TRAPPC9: variants seen among roughly 807,000 people sequenced by gnomAD.
TRAPPC9 encodes the protein trafficking protein particle complex subunit 9, also known as IKK2 binding protein.
TRAPPC9 carries 83 observed loss-of-function variants against 124.0 expected under a neutral mutation model. The observed-to-expected ratio is 0.67, with a 90% CI of 0.56 to 0.80. The LOEUF is 0.80. Ranked by LOEUF, TRAPPC9 falls within the 30% of genes least tolerant of loss-of-function variation. TRAPPC9 has a pLI of 0.00. For missense variants in TRAPPC9, 1,302 were observed against 1,508.3 expected (o/e 0.86, Z 2.27); for synonymous variants, 638 against 617.5 (o/e 1.03, Z -0.49).
rs1355351288 is a variant in TRAPPC9 at position 139,728,248 on chromosome 8, G to A, written c.*2813C>T. On this transcript the variant is annotated 3_prime_UTR_variant, in exon 23 of 23. Coordinates refer to ENST00000438773, the MANE Select transcript of TRAPPC9 (RefSeq NM_001160372.4). ...TGAATTTCAGATGACGGAGCATGAC[G>A]GCTGCATGATTATGGGGTCACCGGG... Among the ~76,000 whole-genome samples, 3 of 152,118 alleles carry A rather than the reference G, an allele frequency of 2.0e-5. No individual in the cohort carries two copies. The highest frequency in any genetic ancestry group is 2.9e-5 in the Non-Finnish European group (2 of 68,042).
rs555312154 is a variant in TRAPPC9, at chr8:139,984,881, C to A, written c.2810+3845G>T. 6.6e-6 allele frequency among the ~76,000 whole-genome samples: 1 copy of A among 152,128 alleles called. No homozygotes were observed. Among genetic ancestry groups the A allele is most frequent in the Non-Finnish European group, 1.5e-5 (1 of 68,018 alleles). ...ACCTCATGACCTCTAGTTCACCCAA[C>A]GCTCCCACCCGGCCCGGGACAGCAA... On this transcript the variant is annotated intron_variant, in intron 19 of 22. Coordinates refer to ENST00000438773, the MANE Select transcript of TRAPPC9 (RefSeq NM_001160372.4). This position sits in a 1 kb window ranked among gnomAD's most constrained non-coding sequence, Gnocchi z 4.3.
intron 17 of TRAPPC9, among the ~76,000 whole-genome samples, chr8:140,043,074 C>A (rs1226178750): frequency 6.6e-6 from 1 of 152,342 alleles, no homozygotes; most frequent in African/African-American, 2.4e-5. Context: ...AGCTGTCCCC[C>A]ACTCTCCCTG....
At chr8:140,258,114 G>C (rs1449880468) in intron 15 of TRAPPC9, among the ~76,000 whole-genome samples, 1 of 152,224 alleles carries the variant, frequency 6.6e-6, no homozygotes, top group Non-Finnish European at 1.5e-5. Context: ...AACAAAGTAT[G>C]TCATGACCAG....
At chr8:140,090,469 T>G (rs1183046994) in intron 17 of TRAPPC9, among the ~76,000 whole-genome samples, 1 of 152,204 alleles carries the variant, frequency 6.6e-6, no homozygotes, top group Non-Finnish European at 1.5e-5. Flanking sequence ...ATTAAACAGC[T>G]TATACTCTTA....
chr8:140,414,164 G>A (rs2069816066), intron 5 of TRAPPC9, among the ~76,000 whole-genome samples: 1 of 152,068 alleles, frequency 6.6e-6, no homozygotes, highest in African/African-American at 2.4e-5. Context: ...AGAAGTTGTG[G>A]TTTTTAAGCA....
chr8:140,117,811 T>C (rs2060918031), intron 17 of TRAPPC9, among the ~76,000 whole-genome samples: 1 of 152,224 alleles, frequency 6.6e-6, no homozygotes, highest in Admixed American at 6.5e-5. Context: ...CTTGATGTTT[T>C]TTTCTCTTAA....
intron 14 of TRAPPC9, among the ~76,000 whole-genome samples, chr8:140,279,977 G>A (rs1468385959): frequency 2.0e-5 from 3 of 152,208 alleles, no homozygotes; most frequent in African/African-American, 7.2e-5. Flanking sequence ...AGCGCTGGCC[G>A]GAGCTTGCTA....
In TRAPPC9 at chr8:140,364,309, A is replaced by AG. The variant is rs1451459929; in HGVS notation, c.1352-4117_1352-4116insC. 2.6e-5 allele frequency among the ~76,000 whole-genome samples: 4 copies of AG among 151,904 alleles called. No individual in the cohort carries two copies. The East Asian group carries it at 7.7e-4, about 29-fold the overall frequency. On this transcript the variant is annotated intron_variant, in intron 8 of 22. Coordinates refer to ENST00000438773, the MANE Select transcript of TRAPPC9 (RefSeq NM_001160372.4). ...AAAGGATGCAAAAAAAAAAAAAAAA[A>AG]AAAGGAACCGAAAAGCAATTTAAAT...
intron 19 of TRAPPC9, among the ~76,000 whole-genome samples, chr8:139,915,371 C>T (rs1020657456): frequency 2.6e-5 from 4 of 152,114 alleles, no homozygotes; most frequent in Non-Finnish European, 4.4e-5. Flanking sequence ...CTCAGCCTCC[C>T]GAGTAGCTGG....
chr8:140,382,620 C>T (rs1317824652), intron 7 of TRAPPC9, among the ~76,000 whole-genome samples: 1 of 152,192 alleles, frequency 6.6e-6, no homozygotes, highest in Non-Finnish European at 1.5e-5. Context: ...GGGGAGGCAC[C>T]CACCATTGCT....
At chr8:140,331,172 TCA>T (rs1477416840) in intron 9 of TRAPPC9, among the ~76,000 whole-genome samples, 8 of 151,926 alleles carry the variant, frequency 5.3e-5, no homozygotes, top group Non-Finnish European at 1.0e-4. Flanking sequence ...ACCCATGTTT[TCA>T]CAGTCAAATA....
chr8:140,454,583 T>C (rs1588389599), intron 1 of TRAPPC9, among the ~76,000 whole-genome samples: 1 of 133,582 alleles, frequency 7.5e-6, no homozygotes, highest in Non-Finnish European at 1.5e-5. Flanking sequence ...GGGGTTGCAG[T>C]GAGCCGAGAT....
intron 17 of TRAPPC9, among the ~76,000 whole-genome samples, chr8:140,164,017 A>T (rs2061792467): frequency 6.6e-6 from 1 of 152,226 alleles, no homozygotes; most frequent in African/African-American, 2.4e-5. Context: ...AGAAGGAGTA[A>T]AATCTCTATG....
rs184203819 is a variant in TRAPPC9 at position 140,136,558 on chromosome 8, C to A, written c.2556+84901G>T. 7.9e-5 allele frequency among the ~76,000 whole-genome samples: 12 copies of A among 152,340 alleles called. No individual in the cohort carries two copies. In the East Asian group the frequency reaches 1.9e-3, roughly 24 times the overall value. On this transcript the variant is annotated intron_variant, in intron 17 of 22. Coordinates refer to ENST00000438773, the MANE Select transcript of TRAPPC9 (RefSeq NM_001160372.4). ...GAACTTAAAACCTAGGGCAGTCTGG[C>A]TGGGCACGGTGGCTCACACCTGTAA...
chr8:139,899,000 A>G (rs1165631791), intron 20 of TRAPPC9, among the ~76,000 whole-genome samples: 1 of 151,702 alleles, frequency 6.6e-6, no homozygotes, highest in Non-Finnish European at 1.5e-5. Flanking sequence ...GGTGCCTGTC[A>G]TCACAGCCAC....
chr8:140,165,990 G>T (rs2061830724), intron 17 of TRAPPC9, among the ~76,000 whole-genome samples: 1 of 152,110 alleles, frequency 6.6e-6, no homozygotes, highest in South Asian at 2.1e-4. Flanking sequence ...GAGCAGCCAG[G>T]GTGCCCTGAC....
chr8:140,197,953 G>T (rs2062707431), intron 17 of TRAPPC9, among the ~76,000 whole-genome samples: 1 of 152,164 alleles, frequency 6.6e-6, no homozygotes, highest in Non-Finnish European at 1.5e-5. Flanking sequence ...ATCTTGTGCA[G>T]CAAGATGAGA....
Position 139,742,641 on chromosome 8 carries a change from G to A in TRAPPC9, c.3056-10439C>T, listed in dbSNP as rs1171026706. Among the ~76,000 whole-genome samples the A allele has an allele frequency of 5.9e-5, 9 of 152,180 alleles. No individual in the cohort carries two copies. Among genetic ancestry groups the A allele is most frequent in the African/African-American group, 2.2e-4 (9 of 41,436 alleles). Reference sequence around the variant, plus strand: ...AGAGGCAGGATGGACTCAGGAGTTAGGGAGCCAGGAGATGGGGCCAGATGG... The same window carrying A: ...AGAGGCAGGATGGACTCAGGAGTTAAGGAGCCAGGAGATGGGGCCAGATGG... On this transcript the variant is annotated intron_variant, in intron 21 of 22. Transcript: ENST00000438773. This position sits in a 1 kb window ranked among gnomAD's most constrained non-coding sequence, Gnocchi z 4.7.
chr8:139,910,122 C>G, intron 20 of TRAPPC9, 25 bp downstream of exon 20: 1 of 1,613,862 alleles, frequency 6.2e-7, no homozygotes, highest in Non-Finnish European at 8.5e-7. Flanking sequence ...GCCCCCAGGC[C>G]CAGGTGGCCC....
Sources: gnomAD v4.1 joint callset for allele counts (sites outside exome capture counted in the v4.1 genomes callset) on GRCh38, gnomAD v4.1.1 for gene constraint, Gnocchi (gnomAD v3.1) non-coding constraint, MANE v1.5 for transcripts, NCBI Gene and HGNC (gene_info 2026-07-23, HGNC 2026-07-21) for gene names.